WDR24: variants seen among roughly 807,000 people sequenced by gnomAD.
WDR24 encodes WD repeat domain 24, also known as GATOR2 complex protein WDR24.
Under a neutral mutation model 66.7 loss-of-function variants are expected in WDR24, and 32 were observed. The observed-to-expected ratio is 0.48, with a 90% CI of 0.36 to 0.64. WDR24 has a LOEUF of 0.64. Among genes scored for constraint, WDR24 ranks in the 30% least tolerant of loss-of-function variants. The pLI is 0.00. For synonymous variants in WDR24, 565 were observed against 469.1 expected (o/e 1.20, Z -2.64); for missense variants, 978 against 1,144.1 (o/e 0.85, Z 2.09).
chr16:684,843 A>G lies in WDR24; in HGVS notation c.2264T>C (p.Val755Ala), dbSNP rs764835910. 25 of 1,537,416 alleles carry G rather than the reference A, an allele frequency of 1.6e-5. No individual in the cohort carries two copies. The highest frequency in any genetic ancestry group is 2.6e-6 in the Non-Finnish European group (3 of 1,140,076). Residue 755 changes from valine to alanine, a missense_variant, in exon 9 of 9, where the codon GTG (valine) becomes GCG (alanine). Coordinates refer to ENST00000293883, the MANE Select transcript of WDR24 (RefSeq NM_032259.4). ...GCCGTGGCTGCAGCCCTGGCACCAC[A>G]CGAAGAGACCCTTGACTACGTGGTG... ...VCHHVVKGLF[V>A]WCQGCSHGGH...
chr16:685,499 C>T lies in WDR24; in HGVS notation c.1777G>A (p.Asp593Asn). 6.3e-7 allele frequency: 1 copy of T among 1,596,136 alleles called. No homozygotes were observed. Among genetic ancestry groups the T allele is most frequent in the Non-Finnish European group, 8.6e-7 (1 of 1,167,942 alleles). Residue 593 changes from aspartate (D) to asparagine (N), a missense_variant, in exon 7 of 9, where the codon GAC becomes AAC. Transcript: ENST00000293883. The part of the protein sequence containing the change: ...PGPEHLQDKA[D>N]SPHVSGSEAD... ...TCGCTGCCGCTCACGTGCGGGGAGT[C>T]GGCCTTGTCCTGCAGGTGCTCGGGC...
chr16:689,976 C>G lies in WDR24; in HGVS notation c.-336G>C. The G allele has an allele frequency of 5.4e-6, 3 of 552,656 alleles. No homozygotes were observed. Among genetic ancestry groups the G allele is most frequent in the Non-Finnish European group, 1.0e-5 (3 of 289,220 alleles). The allele number at this position is 552,656 out of a possible 1,614,324, so 34.2% of individuals were successfully genotyped here. ...TCCCGGCCCAGGCCACCTCTCGGTA[C>G]CCCCATCAGCCAGATCTGGGCAGTC... is the stretch of plus-strand genomic sequence containing the variant. On this transcript the variant is annotated 5_prime_UTR_variant, in exon 1 of 9. Coordinates refer to ENST00000293883, the MANE Select transcript of WDR24 (RefSeq NM_032259.4).
intron 1 of WDR24, 184 bp from the exon 2 acceptor site, chr16:687,923 G>A: frequency 1.3e-6 from 1 of 781,386 alleles, no homozygotes; most frequent in Non-Finnish European, 2.2e-6. Context: ...AAGAGCCTGG[G>A]CCCGGGAGCA....
Position 687,223 on chromosome 16 carries a change from G to A in WDR24, c.853C>T (p.Arg285Trp), listed in dbSNP as rs1202479344. The A allele has an allele frequency of 3.1e-6, 5 of 1,612,480 alleles. No individual in the cohort carries two copies. Among genetic ancestry groups the A allele is most frequent in the Non-Finnish European group, 3.4e-6 (4 of 1,179,984 alleles). The change falls in exon 3 of 9, where the codon CGG becomes TGG. Residue 285 changes from arginine to tryptophan, a missense_variant. Around this residue, in one of 2 missense-constraint regions of WDR24, gnomAD observed 302 missense variants for 526.6 expected, o/e 0.57. Transcript: ENST00000293883. ...DHNIYVWDVR[R>W]PFVPAAMFEE... ...AACATGGCAGCTGGCACGAAGGGCC[G>A]GCGCACGTCCCAAACATAGATGTTG...
Position 684,710 on chromosome 16 carries a change from C to G in WDR24, c.*24G>C, listed in dbSNP as rs1037363913. Reference sequence around the variant, plus strand: ...AGGCGGGGTTCTGCACGCGGCCGCCCGGGCAAGCCCAGCAGATGCCCCGTC... The same window carrying G: ...AGGCGGGGTTCTGCACGCGGCCGCCGGGGCAAGCCCAGCAGATGCCCCGTC... On this transcript the variant is annotated 3_prime_UTR_variant, in exon 9 of 9. Coordinates refer to ENST00000293883, the MANE Select transcript of WDR24 (RefSeq NM_032259.4). 8 of 1,561,116 alleles carry G rather than the reference C, an allele frequency of 5.1e-6. No individual in the cohort carries two copies. Among genetic ancestry groups the G allele is most frequent in the African/African-American group, 2.7e-5 (2 of 73,574 alleles).
At position 685,233 on chromosome 16, in the gene WDR24, G is replaced by A. The variant is rs377552218; in HGVS notation, c.2019+24C>T. 3.9e-4 allele frequency: 615 copies of A among 1,595,440 alleles called. 1 individual carries two copies. The highest frequency in any genetic ancestry group is 4.7e-4 in the Non-Finnish European group (548 of 1,170,912). Reference sequence around the variant, plus strand: ...TGGGTGCCAGGGGCGGCGCTGCAGGGGGGAGGCCCCGCCCACCACACACCT... The same window carrying A: ...TGGGTGCCAGGGGCGGCGCTGCAGGAGGGAGGCCCCGCCCACCACACACCT... On this transcript the variant is annotated intron_variant, in intron 7 of 8. Transcript: ENST00000293883.
At position 689,484 on chromosome 16, in the gene WDR24, C is replaced by T; in HGVS notation, c.157G>A (p.Ala53Thr). 1 of 1,613,504 alleles carries T rather than the reference C, an allele frequency of 6.2e-7. No individual in the cohort carries two copies. Among genetic ancestry groups the T allele is most frequent in the Non-Finnish European group, 8.5e-7 (1 of 1,180,036 alleles). ...VAGRSIFKIYAIEEEQFVEKL... is the reference protein window; with the variant it reads ...VAGRSIFKIYTIEEEQFVEKL... ...TCCACGAACTGTTCCTCCTCGATGG[C>T]ATAGATCTTGAAGATGCTACGGCCT... The change falls in exon 1 of 9, where the codon GCC becomes ACC. Residue 53 changes from alanine (A) to threonine (T), a missense_variant. Coordinates refer to ENST00000293883, the MANE Select transcript of WDR24 (RefSeq NM_032259.4).
rs2039925663 is a variant in WDR24, at chr16:687,687, G to A, written c.534C>T (p.Thr178=). ...TGCCGTTCTCAAAGGTGGAGGCGAA[G>A]GTGAAGTAGTCCCGGATACTGAACT... The part of the protein sequence containing the change: ...DVQFSIRDYF[T]FASTFENGNV... The change falls in exon 2 of 9, where the codon ACC becomes ACT. Residue 178 remains threonine, a synonymous_variant. Coordinates refer to ENST00000293883, the MANE Select transcript of WDR24 (RefSeq NM_032259.4). 2 of 1,613,648 alleles carry A rather than the reference G, an allele frequency of 1.2e-6. No homozygotes were observed. Among genetic ancestry groups the A allele is most frequent in the Non-Finnish European group, 1.7e-6 (2 of 1,180,010 alleles).
chr16:686,927 CAG>C lies in WDR24; in HGVS notation c.1147_1148del (p.Leu383GlyfsTer18), dbSNP rs1454988245. The C allele has an allele frequency of 6.2e-7, 1 of 1,605,152 alleles. No individual in the cohort carries two copies. The highest frequency in any genetic ancestry group is 8.5e-7 in the Non-Finnish European group (1 of 1,178,540). On this transcript the variant is annotated frameshift_variant, in exon 3 of 9. Coordinates refer to ENST00000293883, the MANE Select transcript of WDR24 (RefSeq NM_032259.4). LOFTEE classifies it high-confidence loss of function. ...RRHPIFFKRK[L>X]DPAEPFAGLA... ...GGCCTGCGAAGGGCTCGGCAGGGTCCAGCTTGCGCTTAAAGAAGATGGGGTGG... is the reference window on the plus strand; with the variant it reads ...GGCCTGCGAAGGGCTCGGCAGGGTCCCTTGCGCTTAAAGAAGATGGGGTGG...
Position 685,267 on chromosome 16 carries a change from T to C in WDR24, c.2009A>G (p.Glu670Gly), listed in dbSNP as rs2039878532. The C allele has an allele frequency of 1.9e-6, 3 of 1,593,506 alleles. No individual in the cohort carries two copies. The highest frequency in any genetic ancestry group is 2.6e-6 in the Non-Finnish European group (3 of 1,169,820). The change falls in exon 7 of 9, where the codon GAG (glutamate) becomes GGG (glycine). Residue 670 changes from glutamate (E) to glycine (G), a missense_variant. Glu to Gly is a moderately conservative substitution (Grantham distance 98). Transcript: ENST00000293883. ...CCGCCCACCACACACCTGGGTCTGC[T>C]CGTCGATGTCCTTGCGCACCCGTTC... ...LGERVRKDID[E>G]QTQEHWYTSY...
chr16:685,108 C>T lies in WDR24; in HGVS notation c.2088G>A (p.Val696=). The T allele has an allele frequency of 6.4e-7, 1 of 1,557,238 alleles. No individual in the cohort carries two copies. Among genetic ancestry groups the T allele is most frequent in the Non-Finnish European group, 8.7e-7 (1 of 1,151,254 alleles). The part of the protein sequence containing the change: ...RFRLWNVSNE[V]VKLSTSRAVS... Reference sequence around the variant, plus strand: ...CGGCGCGGCTGGTGCTCAGCTTGACCACCTCGTTGGACACGTTCCAGAGGC... The same window carrying T: ...CGGCGCGGCTGGTGCTCAGCTTGACTACCTCGTTGGACACGTTCCAGAGGC... Residue 696 remains valine (V), a synonymous_variant, in exon 8 of 9, where the codon GTG becomes GTA. Coordinates refer to ENST00000293883, the MANE Select transcript of WDR24 (RefSeq NM_032259.4).
chr16:685,580 C>G lies in WDR24; in HGVS notation c.1696G>C (p.Val566Leu), dbSNP rs1471475724. Reference protein sequence around the residue: ...EHAHPEDPECVLPQEAFPLRH... With the variant: ...EHAHPEDPECLLPQEAFPLRH... Reference sequence around the variant, plus strand: ...AGCGGAAAGGCCTCCTGCGGCAGCACGCACTCAGGGTCCTCGGCTGGAAGG... The same window carrying G: ...AGCGGAAAGGCCTCCTGCGGCAGCAGGCACTCAGGGTCCTCGGCTGGAAGG... The change falls in exon 7 of 9, where the codon GTG (valine) becomes CTG (leucine). Residue 566 changes from valine (V) to leucine (L), a missense_variant. Coordinates refer to ENST00000293883, the MANE Select transcript of WDR24 (RefSeq NM_032259.4). 3.1e-6 allele frequency: 5 copies of G among 1,593,020 alleles called. No individual in the cohort carries two copies. The highest frequency in any genetic ancestry group is 8.6e-7 in the Non-Finnish European group (1 of 1,168,858).
At chr16:685,646 T>G in intron 6 of WDR24, 33 bp downstream of exon 6, 1 of 1,611,966 alleles carries the variant, frequency 6.2e-7, no homozygotes, top group Non-Finnish European at 8.5e-7. Flanking sequence ...TCCATCCGCC[T>G]CTGAACCCCA....
Position 685,918 on chromosome 16 carries a change from C to T in WDR24, c.1524G>A (p.Arg508=). ...TRLDRSKGDA[R]SDTVLLDSSA... ...AGGAGTCGAGCAGAACTGTGTCGCT[C>T]CGTGCATCTCCTTTGCTGCGGTCCA... Residue 508 remains arginine (R), a synonymous_variant, in exon 5 of 9, where the codon CGG becomes CGA. Transcript: ENST00000293883. 6.2e-7 allele frequency: 1 copy of T among 1,613,218 alleles called. No homozygotes were observed. The highest frequency in any genetic ancestry group is 8.5e-7 in the Non-Finnish European group (1 of 1,180,002).
rs751571231 is a variant in WDR24 at position 685,183 on chromosome 16, G to T, written c.2020-7C>A. ...AGGAAGTGTACCAGTGCTCCTGGGG[G>T]AGGGAGCGCCCGGCAGTCAGGATCT... is the stretch of plus-strand genomic sequence containing the variant. On this transcript the variant is annotated splice_region_variant and splice_polypyrimidine_tract_variant and intron_variant, in intron 7 of 8. Coordinates refer to ENST00000293883, the MANE Select transcript of WDR24 (RefSeq NM_032259.4). 1.3e-6 allele frequency: 2 copies of T among 1,591,082 alleles called. No homozygotes were observed. Among genetic ancestry groups the T allele is most frequent in the Non-Finnish European group, 1.7e-6 (2 of 1,168,790 alleles).
rs376473652 is a variant in WDR24, at chr16:686,518, C to T, written c.1332+226G>A. 4.3e-4 allele frequency among the ~76,000 whole-genome samples: 66 copies of T among 152,278 alleles called. No individual in the cohort carries two copies. In the East Asian group the frequency reaches 6.4e-3, roughly 15 times the overall value. ...GGAAGAACAGAGAGCTTGAGCCACACGACTCCCGAGACCCCCGCCCCTCAG... is the reference window on the plus strand; with the variant it reads ...GGAAGAACAGAGAGCTTGAGCCACATGACTCCCGAGACCCCCGCCCCTCAG... On this transcript the variant is annotated intron_variant, in intron 3 of 8. Transcript: ENST00000293883.
chr16:685,470 C>T lies in WDR24; in HGVS notation c.1806G>A (p.Ala602=), dbSNP rs1430424930. The change falls in exon 7 of 9, where the codon GCG becomes GCA. Residue 602 remains alanine, a synonymous_variant. Coordinates refer to ENST00000293883, the MANE Select transcript of WDR24 (RefSeq NM_032259.4). ...CCACGGGGGCCAGGGAGGCCACATCCGCCTCGCTGCCGCTCACGTGCGGGG... is the reference window on the plus strand; with the variant it reads ...CCACGGGGGCCAGGGAGGCCACATCTGCCTCGCTGCCGCTCACGTGCGGGG... ...ADSPHVSGSE[A]DVASLAPVDS... 2 of 1,601,954 alleles carry T rather than the reference C, an allele frequency of 1.2e-6. No individual in the cohort carries two copies. Among genetic ancestry groups the T allele is most frequent in the African/African-American group, 1.3e-5 (1 of 74,700 alleles).
In WDR24 at chr16:690,098, A is replaced by G. The variant is rs540734862; in HGVS notation, c.-458T>C. Reference sequence around the variant, plus strand: ...GGGCGGCGGGGCTCTAGGGAGGAACAAAAGAGGGGAGGGAACAGAGGGCTA... The same window carrying G: ...GGGCGGCGGGGCTCTAGGGAGGAACGAAAGAGGGGAGGGAACAGAGGGCTA... On this transcript the variant is annotated 5_prime_UTR_variant, in exon 1 of 9. Transcript: ENST00000293883. 39 of 460,780 alleles carry G rather than the reference A, an allele frequency of 8.5e-5. No individual in the cohort carries two copies. In the Admixed American group the frequency reaches 8.7e-4, roughly 10 times the overall value. 28.5% of individuals were successfully genotyped at this position (460,780 alleles called of 1,614,324 possible).
Position 687,626 on chromosome 16 carries a change from A to G in WDR24, c.595T>C (p.Cys199Arg). 2 of 1,613,458 alleles carry G rather than the reference A, an allele frequency of 1.2e-6. No individual in the cohort carries two copies. The highest frequency in any genetic ancestry group is 1.7e-6 in the Non-Finnish European group (2 of 1,180,018). The part of the protein sequence containing the change: ...QLWDIRRPDR[C>R]ERMFTAHNGP... ...TTGTGGGCTGTGAACATCCTCTCGC[A>G]CCGGTCGGGACGCCGGATGTCCCAG... Residue 199 changes from cysteine (C) to arginine (R), a missense_variant, in exon 2 of 9, where the codon TGC becomes CGC. This residue lies in a region of WDR24 where 302 missense variants were observed against 526.6 expected (regional missense o/e 0.57). Coordinates refer to ENST00000293883, the MANE Select transcript of WDR24 (RefSeq NM_032259.4).
Sources: gnomAD v4.1 joint callset for allele counts (sites outside exome capture counted in the v4.1 genomes callset) on GRCh38, gnomAD v4.1.1 for gene constraint, gnomAD v4.1.1 regional missense constraint, MANE v1.5 for transcripts, NCBI Gene and HGNC (gene_info 2026-07-23, HGNC 2026-07-21) for gene names.